The following TMC5 variants were observed in gnomAD, a reference collection of about 807,000 sequenced individuals.
TMC5 encodes transmembrane channel-like protein 5.
In TMC5, 86 loss-of-function variants were observed where a neutral mutation model predicts 110.5. That is an observed-to-expected ratio of 0.78 (90% CI 0.65 to 0.93). The LOEUF (loss-of-function observed/expected upper bound fraction) is 0.93. Among genes scored for constraint, TMC5 ranks in the 40% least tolerant of loss-of-function variants. The pLI, the probability that TMC5 is intolerant of heterozygous loss-of-function variation, is 0.00. For synonymous variants in TMC5, 455 were observed against 439.5 expected (o/e 1.04, Z -0.44); for missense variants, 1,144 against 1,222.8 (o/e 0.94, Z 0.96).
chr16:19,434,037 A>T (rs56777892), intron 2 of TMC5, among the ~76,000 whole-genome samples: 128 of 6,280 alleles, frequency 0.02, 2 homozygotes, highest in East Asian at 0.19. Context: ...TCTATATATT[A>T]TATATATAAT....
At chr16:19,462,400 TGA>T in intron 6 of TMC5, 1 of 609,780 alleles carries the variant, frequency 1.6e-6, no homozygotes. Context: ...CCCCCTAGGT[TGA>T]GAATGTGTAT....
chr16:19,467,447 C>T (rs569015757), intron 9 of TMC5, among the ~76,000 whole-genome samples: 1 of 152,006 alleles, frequency 6.6e-6, no homozygotes, highest in African/African-American at 2.4e-5. Flanking sequence ...AATTTAATGA[C>T]CCCATTTTAA....
upstream of TMC5, chr16:19,410,707 G>A (rs1449865356): frequency 6.6e-6 from 1 of 152,246 alleles, no homozygotes; most frequent in African/African-American, 2.4e-5. Context: ...AGCGCCGCCT[G>A]CGGGCTGCTT....
intron 10 of TMC5, among the ~76,000 whole-genome samples, chr16:19,470,537 T>C (rs544859367): frequency 6.6e-6 from 1 of 151,856 alleles, no homozygotes; most frequent in African/African-American, 2.4e-5. Context: ...TGACAACCTC[T>C]AGAGACTTTT....
At chr16:19,449,836 CCCCA>C (rs1967708010) in intron 5 of TMC5, among the ~76,000 whole-genome samples, 2 of 132,294 alleles carry the variant, frequency 1.5e-5, no homozygotes, top group African/African-American at 7.3e-5. Flanking sequence ...TCTCTCCTGC[CCCCA>C]TGTAAGATGT....
intron 12 of TMC5, among the ~76,000 whole-genome samples, chr16:19,475,876 CAGTATAA>C (rs1377009716): frequency 6.1e-5 from 9 of 147,450 alleles, no homozygotes; most frequent in Admixed American, 5.5e-4. Flanking sequence ...ATGATCTCTG[CAGTATAA>C]TTTTCTTACC....
chr16:19,422,123 C>T (rs924557047), intron 1 of TMC5, among the ~76,000 whole-genome samples: 2 of 151,856 alleles, frequency 1.3e-5, no homozygotes, highest in African/African-American at 4.8e-5. Flanking sequence ...CCCAACTGCT[C>T]AGGAGGCTGA....
chr16:19,461,715 TC>T (rs1372402918), intron 6 of TMC5, among the ~76,000 whole-genome samples: 1 of 152,204 alleles, frequency 6.6e-6, no homozygotes, highest in African/African-American at 2.4e-5. Flanking sequence ...TCTTTTTTTT[TC>T]TTTTTTTCAA....
intron 4 of TMC5, among the ~76,000 whole-genome samples, chr16:19,447,817 G>A (rs1367137661): frequency 1.3e-5 from 2 of 152,014 alleles, no homozygotes; most frequent in Non-Finnish European, 2.9e-5. Context: ...GCCTCCCAAA[G>A]TGCCGAAATT....
At chr16:19,431,658 C>A (rs1454807543) in intron 2 of TMC5, among the ~76,000 whole-genome samples, 1 of 151,964 alleles carries the variant, frequency 6.6e-6, no homozygotes, top group Admixed American at 6.6e-5. Context: ...GGTCAATTTG[C>A]TGTTTTGTAA....
intron 11 of TMC5, among the ~76,000 whole-genome samples, chr16:19,472,599 A>G (rs1567318605): frequency 6.6e-6 from 1 of 152,210 alleles, no homozygotes; most frequent in South Asian, 2.1e-4. Context: ...TTTCACATGA[A>G]TGGAGCTCAG....
intron 1 of TMC5, among the ~76,000 whole-genome samples, chr16:19,420,281 A>G (rs1966955240): frequency 6.6e-6 from 1 of 152,082 alleles, no homozygotes; most frequent in African/African-American, 2.4e-5. Context: ...AAAAAAAATT[A>G]GCCAGGCATG....
At chr16:19,490,652 A>T in intron 18 of TMC5, 84 bp downstream of exon 18, 1 of 1,376,156 alleles carries the variant, frequency 7.3e-7, no homozygotes, top group Non-Finnish European at 1.0e-6. Flanking sequence ...GTTGGAAAGC[A>T]AATGGCTATA....
intron 9 of TMC5, 99 bp downstream of exon 9, chr16:19,466,332 G>T: frequency 8.0e-7 from 1 of 1,254,846 alleles, no homozygotes. Flanking sequence ...TTTCTCTGCA[G>T]TCCTCTCCTC....
chr16:19,428,022 T>G (rs1057414103), intron 1 of TMC5, among the ~76,000 whole-genome samples: 6 of 152,332 alleles, frequency 3.9e-5, no homozygotes, highest in Middle Eastern at 3.4e-3. Flanking sequence ...AAGGAAAGTC[T>G]TGTTACAAAG....
intron 2 of TMC5, among the ~76,000 whole-genome samples, chr16:19,432,728 C>A (rs551994704): frequency 6.6e-6 from 1 of 152,304 alleles, no homozygotes; most frequent in South Asian, 2.1e-4. Flanking sequence ...ATGTGCAATA[C>A]ACAAGCTCTT....
chr16:19,433,780 A>G (rs1046692431), intron 2 of TMC5, among the ~76,000 whole-genome samples: 7 of 151,362 alleles, frequency 4.6e-5, no homozygotes, highest in Non-Finnish European at 8.8e-5. Flanking sequence ...ATTTTGCAGG[A>G]TTGCTCCTTC....
At chr16:19,482,594 T>G (rs963656988) in intron 15 of TMC5, among the ~76,000 whole-genome samples, 19 of 152,236 alleles carry the variant, frequency 1.2e-4, no homozygotes, top group Non-Finnish European at 2.4e-4. Flanking sequence ...CATTTTGCTT[T>G]GTCCTTAGGT....
chr16:19,494,430 T>G, intron 20 of TMC5, 64 bp downstream of exon 20: 1 of 1,065,192 alleles, frequency 9.4e-7, no homozygotes, highest in Non-Finnish European at 1.4e-6. Context: ...AAAAAGCGCG[T>G]CAGAGAACTA....
Sources: allele counts gnomAD v4.1 joint callset (sites outside exome capture counted in the v4.1 genomes callset), GRCh38; gene constraint gnomAD v4.1.1; transcripts MANE v1.5; gene names NCBI Gene and HGNC (gene_info 2026-07-23, HGNC 2026-07-21).